VWA2: variants seen among roughly 807,000 people sequenced by gnomAD.
VWA2 encodes von Willebrand factor A domain containing 2.
VWA2 carries 73 observed loss-of-function variants against 70.4 expected under a neutral mutation model. The ratio of observed to expected loss-of-function variants is 1.04; its 90% CI spans 0.86 to 1.26. The LOEUF (loss-of-function observed/expected upper bound fraction) is 1.26. Among genes scored for constraint, VWA2 ranks in the 50% most tolerant of loss-of-function variants. The pLI is 0.00. For missense variants in VWA2, 1,011 were observed against 998.5 expected (o/e 1.01, Z -0.17); for synonymous variants, 407 against 423.3 (o/e 0.96, Z 0.47).
chr10:114,272,919 G>A lies in VWA2; in HGVS notation c.551G>A (p.Gly184Glu), dbSNP rs1235651966. The change falls in exon 6 of 14, where the codon GGG becomes GAG. Residue 184 changes from glycine to glutamate, a missense_variant. By Grantham distance (98) the Gly-to-Glu change is moderately conservative. Transcript: ENST00000392982. ...KERGVTVFAV[G>E]VRFPRWEELH... The stretch of plus-strand genomic sequence containing the variant: ...AGGGGTGTCACTGTGTTTGCTGTGG[G>A]GGTCAGGTTTCCCAGGTAAGAGCCT... 1 of 1,611,802 alleles carries A rather than the reference G, an allele frequency of 6.2e-7. No homozygotes were observed. Among genetic ancestry groups the A allele is most frequent in the African/African-American group, 1.3e-5 (1 of 74,854 alleles).
intron 1 of VWA2, chr10:114,246,255 C>G (rs972377292): frequency 1.3e-6 from 1 of 770,900 alleles, no homozygotes; most frequent in Non-Finnish European, 2.2e-6. Flanking sequence ...AATCCCAGCA[C>G]TTCGGGAGGC....
chr10:114,286,243 C>G lies in VWA2; in HGVS notation c.1302C>G (p.Phe434Leu). ...SALRQAAERGFGSATRTGQDR... is the reference protein window; with the variant it reads ...SALRQAAERGLGSATRTGQDR... ...TGCGGCAGGCGGCAGAGCGTGGCTT[C>G]GGGAGCGCCACCAGGACAGGCCAGG... Residue 434 changes from phenylalanine (F) to leucine (L), a missense_variant, in exon 11 of 14, where the codon TTC becomes TTG. Coordinates refer to ENST00000392982, the MANE Select transcript of VWA2 (RefSeq NM_001272046.2). 1 of 1,612,974 alleles carries G rather than the reference C, an allele frequency of 6.2e-7. No individual in the cohort carries two copies. Among genetic ancestry groups the G allele is most frequent in the Non-Finnish European group, 8.5e-7 (1 of 1,179,606 alleles).
rs74589888 is a variant in VWA2, at chr10:114,280,022, G to T, written c.833+1171G>T. Among the ~76,000 whole-genome samples, 337 of 152,352 alleles carry T rather than the reference G, an allele frequency of 2.2e-3. 6 individuals are homozygous for T. The highest frequency in any genetic ancestry group is 7.6e-3 in the African/African-American group (315 of 41,582). ...CCTTGCATTCAGACTCTGCTCTCAGGCTGCTGAATTTTTAATCTTAGCAGA... is the reference window on the plus strand; with the variant it reads ...CCTTGCATTCAGACTCTGCTCTCAGTCTGCTGAATTTTTAATCTTAGCAGA... On this transcript the variant is annotated intron_variant, in intron 8 of 13. Coordinates refer to ENST00000392982, the MANE Select transcript of VWA2 (RefSeq NM_001272046.2).
intron 1 of VWA2, chr10:114,246,002 G>A (rs113191840): frequency 7.0e-5 from 39 of 559,094 alleles, no homozygotes; most frequent in African/African-American, 6.8e-4. Flanking sequence ...GAGAATATTG[G>A]GTGGTCAGTA....
intron 4 of VWA2, among the ~76,000 whole-genome samples, chr10:114,257,254 G>C (rs1391195594): frequency 6.6e-6 from 1 of 152,178 alleles, no homozygotes; most frequent in Non-Finnish European, 1.5e-5. Flanking sequence ...GACCCTAAAA[G>C]GGCCAGGCAA....
chr10:114,256,363 A>C (rs1007600342), intron 4 of VWA2, among the ~76,000 whole-genome samples: 1 of 152,326 alleles, frequency 6.6e-6, no homozygotes, highest in South Asian at 2.1e-4. Context: ...GGTGTGTATA[A>C]TATGTTACTT....
At chr10:114,283,886 T>C (rs2038519379) in intron 9 of VWA2, among the ~76,000 whole-genome samples, 1 of 152,256 alleles carries the variant, frequency 6.6e-6, no homozygotes, top group Non-Finnish European at 1.5e-5. Flanking sequence ...AAAGTCTATA[T>C]TTTAATTACA....
intron 1 of VWA2, chr10:114,246,774 C>T: frequency 7.8e-7 from 1 of 1,275,576 alleles, no homozygotes; most frequent in Non-Finnish European, 1.1e-6. Context: ...CTTTCAGGAA[C>T]ATGCTACTAA....
chr10:114,281,413 C>T (rs532284237), intron 8 of VWA2, among the ~76,000 whole-genome samples: 1 of 152,334 alleles, frequency 6.6e-6, no homozygotes, highest in Non-Finnish European at 1.5e-5. Context: ...GATCCCAGCT[C>T]TGCTGTGTTC....
At chr10:114,278,237 C>T (rs1293894598) in intron 7 of VWA2, among the ~76,000 whole-genome samples, 190 bp downstream of exon 7, 3 of 152,110 alleles carry the variant, frequency 2.0e-5, no homozygotes, top group African/African-American at 7.2e-5. Flanking sequence ...CAGCTGGGAG[C>T]CCCGAGCTTG....
chr10:114,289,444 G>C lies in VWA2; in HGVS notation c.2077G>C (p.Asp693His). 6.2e-7 allele frequency: 1 copy of C among 1,614,134 alleles called. No individual in the cohort carries two copies. The highest frequency in any genetic ancestry group is 1.1e-5 in the South Asian group (1 of 91,072). ...DSLIHVAAYADLRYHQDVLIE... is the reference protein window; with the variant it reads ...DSLIHVAAYAHLRYHQDVLIE... ...CCTGATCCACGTGGCAGCTTACGCCGACCTGCGGTACCACCAGGACGTGCT... is the reference window on the plus strand; with the variant it reads ...CCTGATCCACGTGGCAGCTTACGCCCACCTGCGGTACCACCAGGACGTGCT... Residue 693 changes from aspartate to histidine, a missense_variant, in exon 12 of 14, where the codon GAC (aspartate) becomes CAC (histidine). Transcript: ENST00000392982.
At chr10:114,269,647 A>T (rs1359055626) in intron 5 of VWA2, among the ~76,000 whole-genome samples, 1 of 152,192 alleles carries the variant, frequency 6.6e-6, no homozygotes, top group Non-Finnish European at 1.5e-5. Flanking sequence ...GATGGAAAGG[A>T]AAAACAGTTT....
At chr10:114,268,917 G>T (rs575595719) in intron 5 of VWA2, among the ~76,000 whole-genome samples, 57 of 152,112 alleles carry the variant, frequency 3.7e-4, no homozygotes, top group Non-Finnish European at 7.5e-4. Context: ...GGATGGTCTC[G>T]ATCTCTTGAC....
chr10:114,265,653 G>C (rs865807165), intron 5 of VWA2, among the ~76,000 whole-genome samples: 9 of 152,312 alleles, frequency 5.9e-5, no homozygotes, highest in Middle Eastern at 6.8e-3. Context: ...TTTCAGCTGT[G>C]TTGAGGTCAT....
intron 11 of VWA2, among the ~76,000 whole-genome samples, chr10:114,288,082 C>G (rs2039129449): frequency 6.6e-6 from 1 of 152,154 alleles, no homozygotes; most frequent in Non-Finnish European, 1.5e-5. Flanking sequence ...TGGAATAAAA[C>G]CCAAACTCCT....
intron 9 of VWA2, 109 bp downstream of exon 9, chr10:114,282,680 C>T (rs2038313604): frequency 1.0e-6 from 1 of 956,082 alleles, no homozygotes; most frequent in Non-Finnish European, 1.7e-6. Context: ...GTGACTGGCT[C>T]CAGGGCAGAG....
At chr10:114,287,339 C>A (rs1023318303) in intron 11 of VWA2, among the ~76,000 whole-genome samples, 1 of 152,066 alleles carries the variant, frequency 6.6e-6, no homozygotes, top group Non-Finnish European at 1.5e-5. Context: ...CACCACCATG[C>A]CCAGCTAATT....
At chr10:114,289,589 A>G (rs1356229307) in intron 12 of VWA2, 100 bp downstream of exon 12, 7 of 1,394,614 alleles carry the variant, frequency 5.0e-6, no homozygotes, top group Non-Finnish European at 7.0e-6. Context: ...CTTCCCAGCT[A>G]CTGAGCACTT....
At chr10:114,286,941 CAT>C (rs1454648116) in intron 11 of VWA2, among the ~76,000 whole-genome samples, 2 of 152,220 alleles carry the variant, frequency 1.3e-5, no homozygotes, top group Admixed American at 6.5e-5. Flanking sequence ...TGTATGCACA[CAT>C]ACACACACGG....
Sources: gnomAD v4.1 joint callset for allele counts (sites outside exome capture counted in the v4.1 genomes callset) on GRCh38, gnomAD v4.1.1 for gene constraint, MANE v1.5 for transcripts, NCBI Gene and HGNC (gene_info 2026-07-23, HGNC 2026-07-21) for gene names.